ST3GAL6: variants seen among roughly 807,000 people sequenced by gnomAD.
ST3GAL6 encodes ST3 beta-galactoside alpha-2,3-sialyltransferase 6.
In ST3GAL6, 31 loss-of-function variants were observed where a neutral mutation model predicts 40.5. The observed-to-expected ratio is 0.77, with a 90% CI of 0.58 to 1.03. The LOEUF (loss-of-function observed/expected upper bound fraction) is 1.03. Among genes scored for constraint, ST3GAL6 ranks in the 50% least tolerant of loss-of-function variants. The pLI, the probability that ST3GAL6 is intolerant of heterozygous loss-of-function variation, is 0.00. For missense variants in ST3GAL6, 357 were observed against 393.2 expected, an observed-to-expected ratio of 0.91 and a Z score of 0.78; for synonymous variants, 129 against 136.9, an observed-to-expected ratio of 0.94 and a Z score of 0.40.
intron 2 of ST3GAL6, among the ~76,000 whole-genome samples, chr3:98,769,388 C>G (rs1938720949): frequency 6.6e-6 from 1 of 152,116 alleles, no homozygotes; most frequent in African/African-American, 2.4e-5. Context: ...GGCTTTGGAC[C>G]CAAATATCGG....
chr3:98,758,843 T>C (rs941776431), upstream of ST3GAL6, among the ~76,000 whole-genome samples: 2 of 152,212 alleles, frequency 1.3e-5, no homozygotes, highest in Non-Finnish European at 2.9e-5. Flanking sequence ...CTTTACCATG[T>C]GCCAGTTACT....
chr3:98,740,885 C>T (rs1213094579), intron 1 of ST3GAL6, among the ~76,000 whole-genome samples: 1 of 152,120 alleles, frequency 6.6e-6, no homozygotes, highest in Non-Finnish European at 1.5e-5. Flanking sequence ...TTTCTCAGAT[C>T]TGTTTCCTCT....
chr3:98,772,814 T>A lies in ST3GAL6; in HGVS notation c.169T>A (p.Phe57Ile), dbSNP rs755589837. The change falls in exon 4 of 10, where the codon TTT becomes ATT. Residue 57 changes from phenylalanine (F) to isoleucine (I), a missense_variant and splice_region_variant. Phe to Ile is a conservative substitution (Grantham distance 21, BLOSUM62 0). Coordinates refer to ENST00000483910, the MANE Select transcript of ST3GAL6 (RefSeq NM_001323368.2). ...SKPAFASLLR[F>I]HQFHPFLCAA... ...TCATTCTTTATCCTTTCCTTCCAGG[T>A]TTCATCAGTTTCACCCTTTTCTGTG... 3 of 1,610,598 alleles carry A rather than the reference T, an allele frequency of 1.9e-6. No homozygotes were observed. The highest frequency in any genetic ancestry group is 2.2e-5 in the South Asian group (2 of 90,832).
upstream of ST3GAL6, chr3:98,762,777 A>G (rs750725567): frequency 1.0e-6 from 1 of 985,368 alleles, no homozygotes; most frequent in Non-Finnish European, 1.2e-6. Context: ...TGGGCTTTGA[A>G]ATCAGATCTC....
chr3:98,766,833 A>G (rs1938407589), intron 1 of ST3GAL6, among the ~76,000 whole-genome samples: 1 of 152,136 alleles, frequency 6.6e-6, no homozygotes, highest in South Asian at 2.1e-4. Context: ...TAATAACCCA[A>G]AGAGGTAGAT....
intron 1 of ST3GAL6, among the ~76,000 whole-genome samples, chr3:98,748,646 C>T (rs999241342): frequency 1.3e-5 from 2 of 151,810 alleles, no homozygotes; most frequent in Non-Finnish European, 2.9e-5. Context: ...TTGTATTTTT[C>T]GTAGAGACGG....
At chr3:98,788,514 G>C (rs1455480843) in intron 8 of ST3GAL6, 51 bp downstream of exon 8, 1 of 1,522,932 alleles carries the variant, frequency 6.6e-7, no homozygotes. Flanking sequence ...GCTGAGGTAG[G>C]ATAGAGGGTC....
At chr3:98,734,951 C>A (rs983542705) in intron 1 of ST3GAL6, among the ~76,000 whole-genome samples, 1 of 152,182 alleles carries the variant, frequency 6.6e-6, no homozygotes, top group African/African-American at 2.4e-5. Flanking sequence ...CATCTGCTAA[C>A]CATGCAGACT....
intron 1 of ST3GAL6, among the ~76,000 whole-genome samples, chr3:98,739,398 A>AC (rs939894593): frequency 1.6e-4 from 24 of 145,752 alleles, no homozygotes; most frequent in African/African-American, 2.3e-4. Flanking sequence ...CAAAAAAAAA[A>AC]CCCCAAAAAA....
intron 1 of ST3GAL6, chr3:98,733,467 G>A (rs1935237880): frequency 2.0e-6 from 2 of 990,046 alleles, no homozygotes; most frequent in Non-Finnish European, 2.4e-6. Context: ...CGCGAGGAGG[G>A]TTGAGGGGTC....
chr3:98,782,648 T>C, intron 5 of ST3GAL6: 1 of 454,606 alleles, frequency 2.2e-6, no homozygotes, highest in Admixed American at 3.3e-5. Flanking sequence ...TGAAAACATC[T>C]CCAACTTCAA....
chr3:98,739,396 AAAC>A (rs1935861952), intron 1 of ST3GAL6, among the ~76,000 whole-genome samples: 5 of 146,416 alleles, frequency 3.4e-5, no homozygotes, highest in East Asian at 3.9e-4. Context: ...AACAAAAAAA[AAAC>A]CCCAAAAAAA....
intron 1 of ST3GAL6, among the ~76,000 whole-genome samples, chr3:98,746,675 G>A (rs1229165229): frequency 6.6e-6 from 1 of 151,794 alleles, no homozygotes; most frequent in Non-Finnish European, 1.5e-5. Context: ...TTTTGTCAGT[G>A]AAAACAAAAT....
intron 1 of ST3GAL6, among the ~76,000 whole-genome samples, chr3:98,740,125 G>A (rs1935937714): frequency 6.6e-6 from 1 of 151,832 alleles, no homozygotes; most frequent in African/African-American, 2.4e-5. Context: ...TAAACGGGAT[G>A]TAAGGAGATA....
Position 98,733,710 on chromosome 3 carries a change from C to CTGTT in ST3GAL6, c.-12+1179_-12+1182dup, listed in dbSNP as rs2107232886. On this transcript the variant is annotated intron_variant, in intron 1 of 9. Transcript: ENST00000265261. ...CAATCTCAAGCCTCTTTCTTGTGTGCTGTTATTTTGGCTTAAAAGAAAACC... is the reference window on the plus strand; with the variant it reads ...CAATCTCAAGCCTCTTTCTTGTGTGCTGTTTGTTATTTTGGCTTAAAAGAAAACC... 7.8e-6 allele frequency: 5 copies of CTGTT among 638,476 alleles called. No individual in the cohort carries two copies. In the South Asian group the frequency reaches 2.1e-4, roughly 26 times the overall value. 39.6% of individuals were successfully genotyped at this position (638,476 alleles called of 1,614,324 possible).
chr3:98,732,784 G>T, intron 1 of ST3GAL6: 1 of 1,361,358 alleles, frequency 7.3e-7, no homozygotes, highest in Admixed American at 2.5e-5. Context: ...CAGATCCGCG[G>T]GGAAGGAATC....
intron 1 of ST3GAL6, among the ~76,000 whole-genome samples, chr3:98,741,560 G>A (rs145613856): frequency 6.6e-6 from 1 of 152,250 alleles, no homozygotes; most frequent in African/African-American, 2.4e-5. Flanking sequence ...AGCATTTCAG[G>A]AGATGAGTCA....
intron 1 of ST3GAL6, among the ~76,000 whole-genome samples, chr3:98,735,430 T>A (rs536100481): frequency 1.3e-5 from 2 of 152,364 alleles, no homozygotes; most frequent in African/African-American, 4.8e-5. Context: ...GCCTTCCTTG[T>A]GACAGCTTTA....
intron 1 of ST3GAL6, chr3:98,733,104 T>C (rs527485994): frequency 1.5e-6 from 2 of 1,343,870 alleles, no homozygotes; most frequent in Admixed American, 3.7e-5. Context: ...CTTTGCAGCC[T>C]CTGAGGCTCA....
Sources: gnomAD v4.1 joint callset for allele counts (sites outside exome capture counted in the v4.1 genomes callset) on GRCh38, gnomAD v4.1.1 for gene constraint, MANE v1.5 for transcripts, NCBI Gene and HGNC (gene_info 2026-07-23, HGNC 2026-07-21) for gene names.